ERG: variants seen among roughly 807,000 people sequenced by gnomAD.
ERG encodes the protein ETS transcription factor ERG.
A neutral mutation model predicts 55.3 loss-of-function variants in ERG; 9 were observed. That is an observed-to-expected ratio of 0.16 (90% CI 0.10 to 0.28). The LOEUF is 0.28. ERG is among the 10% of genes least tolerant of loss of function. The pLI is 1.00. For synonymous variants in ERG, 223 were observed against 237.3 expected, an observed-to-expected ratio of 0.94 and a Z score of 0.55; for missense variants, 434 against 631.6, an observed-to-expected ratio of 0.69 and a Z score of 3.35.
At chr21:38,479,039 A>T (rs141307856) in intron 1 of ERG, among the ~76,000 whole-genome samples, 1 of 152,220 alleles carries the variant, frequency 6.6e-6, no homozygotes, top group Non-Finnish European at 1.5e-5. Context: ...CCACAACATC[A>T]TACTCAGTAT....
chr21:38,567,077 G>A (rs1016874019), intron 2 of ERG, among the ~76,000 whole-genome samples: 10 of 152,164 alleles, frequency 6.6e-5, no homozygotes, highest in African/African-American at 2.2e-4. Flanking sequence ...CCAGACTGGG[G>A]GGGGGATTGT....
intron 1 of ERG, among the ~76,000 whole-genome samples, chr21:38,614,142 C>T (rs1430577112): frequency 6.6e-6 from 1 of 152,134 alleles, no homozygotes; most frequent in African/African-American, 2.4e-5. Context: ...GACTCAGAGC[C>T]AAAGACCAGG....
intron 3 of ERG, among the ~76,000 whole-genome samples, chr21:38,406,959 T>G (rs1988802993): frequency 6.6e-6 from 1 of 152,210 alleles, no homozygotes; most frequent in African/African-American, 2.4e-5. Context: ...TGTACTTATC[T>G]CTACAAGTCT....
At chr21:38,618,318 A>C (rs1419716668) in intron 1 of ERG, among the ~76,000 whole-genome samples, 1 of 152,216 alleles carries the variant, frequency 6.6e-6, no homozygotes, top group Non-Finnish European at 1.5e-5. Flanking sequence ...ATAAAAATGA[A>C]AACAGGAAGA....
At chr21:38,605,888 G>T (rs1262700643) in intron 1 of ERG, among the ~76,000 whole-genome samples, 1 of 149,842 alleles carries the variant, frequency 6.7e-6, no homozygotes, top group Non-Finnish European at 1.5e-5. Flanking sequence ...ATGATAGATA[G>T]ATAATAGATA....
At chr21:38,648,459 A>C (rs1258755366) in intron 1 of ERG, among the ~76,000 whole-genome samples, 2 of 152,226 alleles carry the variant, frequency 1.3e-5, no homozygotes, top group Admixed American at 6.5e-5. Flanking sequence ...TGAAAGGGTA[A>C]TTTATGGAGC....
intron 3 of ERG, among the ~76,000 whole-genome samples, chr21:38,417,090 T>C (rs1256200737): frequency 2.0e-5 from 3 of 152,338 alleles, no homozygotes; most frequent in Middle Eastern, 6.8e-3. Flanking sequence ...TTACCCCACA[T>C]GGGTGGGTCT....
chr21:38,422,090 C>T (rs1027889436), intron 3 of ERG, among the ~76,000 whole-genome samples: 1 of 152,154 alleles, frequency 6.6e-6, no homozygotes, highest in South Asian at 2.1e-4. Flanking sequence ...AAAATCAGGC[C>T]AACAGGAGAC....
chr21:38,602,891 T>C (rs1958101052), intron 1 of ERG, among the ~76,000 whole-genome samples: 1 of 151,994 alleles, frequency 6.6e-6, no homozygotes, highest in African/African-American at 2.4e-5. Flanking sequence ...GGAATGAATT[T>C]CCTTCTGAGA....
chr21:38,521,020 G>T (rs1045831271), intron 2 of ERG, among the ~76,000 whole-genome samples: 12 of 152,090 alleles, frequency 7.9e-5, no homozygotes, highest in Non-Finnish European at 1.5e-4. Context: ...TTCTTAGTGG[G>T]GAGAAGTGAG....
chr21:38,637,514 T>C (rs915114432), intron 1 of ERG, among the ~76,000 whole-genome samples: 1 of 152,218 alleles, frequency 6.6e-6, no homozygotes, highest in African/African-American at 2.4e-5. Context: ...TGAGCTTCCA[T>C]TTCCTCAACA....
At chr21:38,424,606 G>A (rs1427687323) in intron 2 of ERG, among the ~76,000 whole-genome samples, 1 of 152,214 alleles carries the variant, frequency 6.6e-6, no homozygotes, top group Non-Finnish European at 1.5e-5. Context: ...AGGCAGAGTA[G>A]ACAGATGCTG....
chr21:38,381,801 G>T lies in ERG; in HGVS notation c.*1602C>A. ...TGGAGGCTCCAATGTGAAACCCGGG[G>T]TCCTTCTGTTCCAAAAGGGGCTAGA... On this transcript the variant is annotated 3_prime_UTR_variant, in exon 10 of 10. Transcript: ENST00000288319. 1 of 1,063,582 alleles carries T rather than the reference G, an allele frequency of 9.4e-7. No individual in the cohort carries two copies. The highest frequency in any genetic ancestry group is 1.1e-6 in the Non-Finnish European group (1 of 878,292). 65.9% of individuals were successfully genotyped at this position (1,063,582 alleles called of 1,614,324 possible). A position where few individuals can be genotyped will look rare whatever the true frequency, so the allele number is the denominator to read the frequency against.
chr21:38,554,788 C>A (rs1156613955), intron 2 of ERG, among the ~76,000 whole-genome samples: 1 of 151,070 alleles, frequency 6.6e-6, no homozygotes. Context: ...AATTTACCCA[C>A]GTAACAAACG....
intron 6 of ERG, chr21:38,395,408 A>G (rs1300371011): frequency 9.0e-6 from 2 of 223,128 alleles, no homozygotes; most frequent in Non-Finnish European, 1.8e-5. Context: ...ATAGAGCATC[A>G]GACTTCCAAT....
chr21:38,516,734 A>G (rs1205528453), intron 2 of ERG, among the ~76,000 whole-genome samples: 1 of 152,122 alleles, frequency 6.6e-6, no homozygotes, highest in Non-Finnish European at 1.5e-5. Context: ...GGCTCTAGTA[A>G]CCAAAAGAGC....
intron 1 of ERG, among the ~76,000 whole-genome samples, chr21:38,597,152 A>G (rs73906356): frequency 0.016 from 2,437 of 152,322 alleles, 73 homozygotes; most frequent in African/African-American, 0.056. Context: ...TTGCCAGTCT[A>G]CAATTGTGTA....
chr21:38,433,991 G>C (rs2836393), intron 2 of ERG, among the ~76,000 whole-genome samples: 1 of 151,710 alleles, frequency 6.6e-6, no homozygotes, highest in Non-Finnish European at 1.5e-5. Context: ...AAATGTCCCC[G>C]AACTCTTCCA....
At chr21:38,574,679 C>T (rs1169744289) in intron 2 of ERG, among the ~76,000 whole-genome samples, 1 of 152,182 alleles carries the variant, frequency 6.6e-6, no homozygotes, top group African/African-American at 2.4e-5. Context: ...CAAAAAGGTA[C>T]ACTTTTCAAT....
Sources: gnomAD v4.1 joint callset for allele counts (sites outside exome capture counted in the v4.1 genomes callset) on GRCh38, gnomAD v4.1.1 for gene constraint, MANE v1.5 for transcripts, NCBI Gene and HGNC (gene_info 2026-07-23, HGNC 2026-07-21) for gene names.